The following LTBP1 variants were observed in gnomAD, a reference collection of about 807,000 sequenced individuals.
The protein encoded by LTBP1 is latent transforming growth factor beta binding protein 1, also known as latent-transforming growth factor beta-binding protein 1.
Under a neutral mutation model 207.6 loss-of-function variants are expected in LTBP1, and 129 were observed. The ratio of observed to expected loss-of-function variants is 0.62; its 90% CI spans 0.54 to 0.72. The LOEUF (loss-of-function observed/expected upper bound fraction) is 0.72. LTBP1 is among the 30% of genes least tolerant of loss of function. The pLI is 0.00. For missense variants in LTBP1, 2,281 were observed against 2,217.2 expected (o/e 1.03, Z -0.58); for synonymous variants, 963 against 833.7 (o/e 1.16, Z -2.67).
rs776459540 is a variant in LTBP1, at chr2:33,110,770, A to G, written c.1033+19A>G. On this transcript the variant is annotated intron_variant, in intron 4 of 33. Transcript: ENST00000404816. ...TTTCAGCGTGAGTATAGTCTTATCA[A>G]CCATTTTCCCAAGTTATGGTATCAG... 3 of 1,607,356 alleles carry G rather than the reference A, an allele frequency of 1.9e-6. No homozygotes were observed. Among genetic ancestry groups the G allele is most frequent in the Non-Finnish European group, 1.7e-6 (2 of 1,175,042 alleles).
chr2:33,287,096 A>AAAC (rs60436290), intron 19 of LTBP1, among the ~76,000 whole-genome samples: 4,839 of 151,484 alleles, frequency 0.032, 81 homozygotes, highest in Middle Eastern at 0.045. Context: ...AATAAAATAA[A>AAAC]AACAACAACA....
chr2:33,139,094 G>A (rs949602188), intron 5 of LTBP1, among the ~76,000 whole-genome samples: 71 of 151,844 alleles, frequency 4.7e-4, no homozygotes, highest in African/African-American at 1.7e-3. Flanking sequence ...TCCTGACCTC[G>A]TGATCCGCCC....
At chr2:33,247,510 C>T (rs2092550833) in intron 10 of LTBP1, among the ~76,000 whole-genome samples, 1 of 152,196 alleles carries the variant, frequency 6.6e-6, no homozygotes, top group African/African-American at 2.4e-5. Context: ...CAGCCATGTC[C>T]ATTCATTTAC....
intron 32 of LTBP1, among the ~76,000 whole-genome samples, chr2:33,390,997 T>A (rs1417189580): frequency 1.3e-5 from 2 of 152,068 alleles, no homozygotes; most frequent in Non-Finnish European, 2.9e-5. Flanking sequence ...TTTTATTTTT[T>A]TTTTCCTTCT....
intron 11 of LTBP1, among the ~76,000 whole-genome samples, chr2:33,254,868 T>TTTTTTTTTTTG (rs2092801324): frequency 8.4e-6 from 1 of 118,930 alleles, no homozygotes; most frequent in Non-Finnish European, 1.7e-5. Flanking sequence ...TTTTTTTTTT[T>TTTTTTTTTTTG]TTTTTTTTTT....
chr2:33,295,789 G>A (rs1465969709), intron 20 of LTBP1, among the ~76,000 whole-genome samples: 3 of 152,178 alleles, frequency 2.0e-5, no homozygotes, highest in African/African-American at 7.2e-5. Context: ...AGTGAAGGAT[G>A]TAGGGTGATA....
intron 15 of LTBP1, among the ~76,000 whole-genome samples, chr2:33,269,018 T>A (rs926097931): frequency 4.6e-5 from 7 of 152,344 alleles, no homozygotes; most frequent in Non-Finnish European, 8.8e-5. Flanking sequence ...GTGTCATTAC[T>A]GCCTCAATAA....
At chr2:33,149,862 G>A (rs77854059) in intron 5 of LTBP1, among the ~76,000 whole-genome samples, 8 of 152,190 alleles carry the variant, frequency 5.3e-5, no homozygotes, top group African/African-American at 1.4e-4. Context: ...GGAATTCTGA[G>A]TGTGTTTATT....
intron 24 of LTBP1, among the ~76,000 whole-genome samples, chr2:33,329,623 G>A (rs916913709): frequency 4.6e-5 from 7 of 152,066 alleles, no homozygotes; most frequent in African/African-American, 1.7e-4. Flanking sequence ...ATCAAATTAG[G>A]TCATCACTGT....
intron 15 of LTBP1, among the ~76,000 whole-genome samples, chr2:33,269,348 C>T (rs1482602073): frequency 1.3e-5 from 2 of 152,062 alleles, no homozygotes; most frequent in Non-Finnish European, 2.9e-5. Flanking sequence ...AGATGGACTC[C>T]AGCAAAAGAA....
intron 26 of LTBP1, among the ~76,000 whole-genome samples, chr2:33,354,736 A>G (rs1559058272): frequency 6.7e-6 from 1 of 148,418 alleles, no homozygotes; most frequent in Admixed American, 6.7e-5. Flanking sequence ...ACACCATTGT[A>G]TCTTCATTTA....
intron 7 of LTBP1, among the ~76,000 whole-genome samples, chr2:33,206,738 CAAAA>C (rs367575248): frequency 8.8e-5 from 8 of 91,096 alleles, no homozygotes; most frequent in Non-Finnish European, 2.0e-4. Flanking sequence ...GACTCCATTT[CAAAA>C]AAAAAAAAAA....
chr2:33,061,663 G>T (rs978430606), intron 3 of LTBP1, among the ~76,000 whole-genome samples: 1 of 152,138 alleles, frequency 6.6e-6, no homozygotes, highest in Non-Finnish European at 1.5e-5. Context: ...TTGTTAGGTA[G>T]TATTCCATTG....
chr2:33,292,004 CT>C (rs1352988950), intron 19 of LTBP1, among the ~76,000 whole-genome samples: 4 of 152,132 alleles, frequency 2.6e-5, no homozygotes, highest in African/African-American at 9.7e-5. Context: ...TTATAGACCC[CT>C]ATAAGATTAA....
At chr2:33,242,141 C>A (rs1269459732) in intron 9 of LTBP1, among the ~76,000 whole-genome samples, 2 of 152,102 alleles carry the variant, frequency 1.3e-5, no homozygotes, top group African/African-American at 4.8e-5. Flanking sequence ...ACGTATAGAT[C>A]ACGATGCCTA....
At chr2:33,196,577 A>C (rs1382119080) in intron 7 of LTBP1, among the ~76,000 whole-genome samples, 5 of 152,196 alleles carry the variant, frequency 3.3e-5, no homozygotes, top group Non-Finnish European at 7.3e-5. Context: ...GGAATCAAGC[A>C]TCAGGATTGC....
At chr2:33,355,175 T>C (rs1573988206) in intron 26 of LTBP1, among the ~76,000 whole-genome samples, 3 of 151,976 alleles carry the variant, frequency 2.0e-5, no homozygotes, top group South Asian at 2.1e-4. Context: ...AGGAATGTTA[T>C]GGGTTTGTGT....
At chr2:33,302,043 C>T (rs1259417734) in intron 22 of LTBP1, among the ~76,000 whole-genome samples, 1 of 152,218 alleles carries the variant, frequency 6.6e-6, no homozygotes, top group Non-Finnish European at 1.5e-5. Context: ...AACATCAATT[C>T]AGTTTTTGGC....
chr2:33,266,224 G>C (rs2093171477), intron 15 of LTBP1, among the ~76,000 whole-genome samples: 1 of 152,226 alleles, frequency 6.6e-6, no homozygotes, highest in African/African-American at 2.4e-5. Context: ...ATGTGCTTGG[G>C]TGAGTGTTGA....
Sources: gnomAD v4.1 joint callset for allele counts (sites outside exome capture counted in the v4.1 genomes callset) on GRCh38, gnomAD v4.1.1 for gene constraint, MANE v1.5 for transcripts, NCBI Gene and HGNC (gene_info 2026-07-23, HGNC 2026-07-21) for gene names.